The following LIN9 variants were observed in gnomAD, a reference collection of about 807,000 sequenced individuals.
The protein encoded by LIN9 is protein lin-9 homolog.
Under a neutral mutation model 78.0 loss-of-function variants are expected in LIN9, and 18 were observed. That is an observed-to-expected ratio of 0.23 (90% confidence interval 0.16 to 0.34). The LOEUF (loss-of-function observed/expected upper bound fraction) is 0.34. LIN9 is among the 10% of genes least tolerant of loss of function. LIN9 has a pLI of 1.00. For synonymous variants in LIN9, 192 were observed against 215.2 expected (o/e 0.89, Z 0.94); for missense variants, 451 against 644.1 (o/e 0.70, Z 3.25).
At chr1:226,241,577 G>C (rs1356747070) in intron 11 of LIN9, among the ~76,000 whole-genome samples, 1 of 152,200 alleles carries the variant, frequency 6.6e-6, no homozygotes, top group African/African-American at 2.4e-5. Flanking sequence ...GGGTGATATA[G>C]GCCGGGTGCG....
intron 5 of LIN9, 96 bp downstream of exon 5, chr1:226,287,568 C>A: frequency 1.3e-6 from 1 of 746,710 alleles, no homozygotes; most frequent in Non-Finnish European, 2.1e-6. Flanking sequence ...AAAATAAGAT[C>A]AAAGTAGACC....
intron 3 of LIN9, among the ~76,000 whole-genome samples, chr1:226,296,384 A>G (rs1375099386): frequency 2.0e-5 from 3 of 152,212 alleles, no homozygotes; most frequent in Admixed American, 1.3e-4. Context: ...CTAAATGTGT[A>G]TACTATTATA....
At chr1:226,288,490 T>C (rs1049595516) in intron 4 of LIN9, among the ~76,000 whole-genome samples, 9 of 152,188 alleles carry the variant, frequency 5.9e-5, no homozygotes, top group African/African-American at 2.2e-4. Context: ...AAGATAAAAC[T>C]ACCATTTCCT....
chr1:226,238,648 T>TA lies in LIN9; in HGVS notation c.1245+322dup, dbSNP rs1558153156. Among the ~76,000 whole-genome samples the TA allele has an allele frequency of 2.0e-5, 3 of 151,518 alleles. No homozygotes were observed. In the South Asian group the frequency reaches 6.2e-4, roughly 32 times the overall value. ...GTCTCAAAAAAAATAAATAAATAAA[T>TA]AAAGAAGAAGAAAAAACAATGACAA... On this transcript the variant is annotated intron_variant, in intron 12 of 14. Transcript: ENST00000681046.
Position 226,266,235 on chromosome 1 carries a change from G to C in LIN9, c.914C>G (p.Pro305Arg). ...TACTATAATTGGTGACTGGAGAGGAGGAGTATAATGTAACCGTGGTGGGGT... is the reference window on the plus strand; with the variant it reads ...TACTATAATTGGTGACTGGAGAGGACGAGTATAATGTAACCGTGGTGGGGT... ...FMTPPRLHYT[P>R]PLQSPIIDND... Residue 305 changes from proline to arginine, a missense_variant, in exon 9 of 15, where the codon CCT (proline) becomes CGT (arginine). Coordinates refer to ENST00000681046, the MANE Select transcript of LIN9 (RefSeq NM_001366245.2). 2 of 1,585,846 alleles carry C rather than the reference G, an allele frequency of 1.3e-6. No individual in the cohort carries two copies. The highest frequency in any genetic ancestry group is 1.7e-6 in the Non-Finnish European group (2 of 1,162,464).
At chr1:226,275,362 C>CA (rs1296607477) in intron 7 of LIN9, among the ~76,000 whole-genome samples, 1 of 152,182 alleles carries the variant, frequency 6.6e-6, no homozygotes, top group Non-Finnish European at 1.5e-5. Context: ...CTGACCCCTG[C>CA]ACTAGCCCAA....
At chr1:226,283,070 C>T (rs759726201) in intron 6 of LIN9, among the ~76,000 whole-genome samples, 1 of 152,042 alleles carries the variant, frequency 6.6e-6, no homozygotes, top group Non-Finnish European at 1.5e-5. Context: ...ATCCTCCCAC[C>T]TTGGTCTTGT....
Position 226,295,842 on chromosome 1 carries a change from C to T in LIN9, c.264G>A (p.Gln88=). The change falls in exon 4 of 15, where the codon CAG becomes CAA. Residue 88 remains glutamine, a splice_region_variant and synonymous_variant. Coordinates refer to ENST00000681046, the MANE Select transcript of LIN9 (RefSeq NM_001366245.2). ...AAACAAAATTTTAGCACACACATAC[C>T]TGTGGAACCATTGCAACCCTCTGGT... The part of the protein sequence containing the change: ...KRNQRVAMVP[Q]KFTATMSTPD... 6.2e-7 allele frequency: 1 copy of T among 1,600,606 alleles called. No homozygotes were observed. Among genetic ancestry groups the T allele is most frequent in the Non-Finnish European group, 8.5e-7 (1 of 1,170,276 alleles).
At chr1:226,234,726 C>CA (rs368186115) in intron 12 of LIN9, among the ~76,000 whole-genome samples, 1 of 152,140 alleles carries the variant, frequency 6.6e-6, no homozygotes, top group African/African-American at 2.4e-5. Flanking sequence ...TTGGCTCTCT[C>CA]AGCAGACATA....
rs748744842 is a variant in LIN9, at chr1:226,277,731, T to C, written c.682+44A>G. On this transcript the variant is annotated intron_variant, in intron 7 of 14. Transcript: ENST00000681046. ...AAGAAACAAAAAAGATTACCTTGAT[T>C]AAAAATTACAAGTCAAAAGAGTAAT... 17 of 1,537,134 alleles carry C rather than the reference T, an allele frequency of 1.1e-5. No individual in the cohort carries two copies. In the East Asian group the frequency reaches 2.0e-4, roughly 18 times the overall value.
At chr1:226,251,136 A>C (rs1658808893) in intron 10 of LIN9, among the ~76,000 whole-genome samples, 1 of 152,104 alleles carries the variant, frequency 6.6e-6, no homozygotes, top group Non-Finnish European at 1.5e-5. Flanking sequence ...GGCTCACTGC[A>C]ACCTCTGCCT....
At chr1:226,240,232 C>A (rs1658015477) in intron 11 of LIN9, among the ~76,000 whole-genome samples, 1 of 152,164 alleles carries the variant, frequency 6.6e-6, no homozygotes. Context: ...ACGTGCCATG[C>A]ACTAAGAGTG....
chr1:226,241,629 CG>C (rs1255881721), intron 11 of LIN9, among the ~76,000 whole-genome samples: 1 of 152,016 alleles, frequency 6.6e-6, no homozygotes, highest in East Asian at 1.9e-4. Context: ...GAGGCTGAGG[CG>C]GGTGGATCAC....
At chr1:226,232,707 A>T in intron 14 of LIN9, 101 bp from the exon 15 acceptor site, 1 of 624,174 alleles carries the variant, frequency 1.6e-6, no homozygotes, top group Non-Finnish European at 2.8e-6. Context: ...AGCTATGATA[A>T]ATCTTAGGGA....
In LIN9 at chr1:226,266,259, G is replaced by T. The variant is rs780144770; in HGVS notation, c.890C>A (p.Thr297Asn). 1 of 1,601,178 alleles carries T rather than the reference G, an allele frequency of 6.2e-7. No individual in the cohort carries two copies. The highest frequency in any genetic ancestry group is 8.5e-7 in the Non-Finnish European group (1 of 1,171,708). Residue 297 changes from threonine (T) to asparagine (N), a missense_variant, in exon 9 of 15, where the codon ACC becomes AAC. Coordinates refer to ENST00000681046, the MANE Select transcript of LIN9 (RefSeq NM_001366245.2). ...QKQRPSRFFM[T>N]PPRLHYTPPL... ...AGGAGTATAATGTAACCGTGGTGGG[G>T]TCATAAAAAATCGAGAAGGCCGCTG...
At chr1:226,256,278 A>T (rs1659189389) in intron 10 of LIN9, among the ~76,000 whole-genome samples, 1 of 152,096 alleles carries the variant, frequency 6.6e-6, no homozygotes, top group Non-Finnish European at 1.5e-5. Flanking sequence ...TAGAGGAGCA[A>T]AGATAAGAAC....
chr1:226,268,070 C>A lies in LIN9; in HGVS notation c.703G>T (p.Asp235Tyr). The change falls in exon 8 of 15, where the codon GAT becomes TAT. Residue 235 changes from aspartate to tyrosine, a missense_variant. Coordinates refer to ENST00000681046, the MANE Select transcript of LIN9 (RefSeq NM_001366245.2). ...KVTARLRGVH[D>Y]GLFTGQIDAV... ...TCTATTTGTCCAGTGAACAAACCAT[C>A]ATGAACACCACGTAATCGTGCTGAG... 1.2e-6 allele frequency: 2 copies of A among 1,613,846 alleles called. No homozygotes were observed. Among genetic ancestry groups the A allele is most frequent in the Non-Finnish European group, 1.7e-6 (2 of 1,179,860 alleles).
intron 4 of LIN9, 145 bp from the exon 5 acceptor site, chr1:226,287,942 G>T: frequency 3.4e-6 from 2 of 596,024 alleles, no homozygotes; most frequent in Non-Finnish European, 5.7e-6. Context: ...ATGGAATTTT[G>T]TTGCTGTTTT....
At chr1:226,309,029 C>G (rs1191132629) in intron 1 of LIN9, 80 bp downstream of exon 1, 1 of 1,269,182 alleles carries the variant, frequency 7.9e-7, no homozygotes, top group African/African-American at 1.5e-5. Flanking sequence ...GCGGAGGGCA[C>G]GGCCGTCCGT....
Sources: allele counts gnomAD v4.1 joint callset (sites outside exome capture counted in the v4.1 genomes callset), GRCh38; gene constraint gnomAD v4.1.1; transcripts MANE v1.5; gene names NCBI Gene and HGNC (gene_info 2026-07-23, HGNC 2026-07-21).